TMEM177: variants seen among roughly 807,000 people sequenced by gnomAD.
TMEM177 encodes transmembrane protein 177.
A neutral mutation model predicts 14.2 loss-of-function variants in TMEM177; 4 were observed. That is an observed-to-expected ratio of 0.28 (90% CI 0.14 to 0.64). The LOEUF (loss-of-function observed/expected upper bound fraction) is 0.64. Ranked by LOEUF, TMEM177 falls within the 30% of genes least tolerant of loss-of-function variation. The probability of loss-of-function intolerance (pLI) is 0.82; values close to 1 mark genes in which losing one functional copy is unlikely to be tolerated. For synonymous variants in TMEM177, 179 were observed against 174.5 expected (o/e 1.03, Z -0.20); for missense variants, 344 against 405.2 (o/e 0.85, Z 1.30).
At position 119,680,930 on chromosome 2, in the gene TMEM177, G is replaced by A; in HGVS notation, c.77G>A (p.Gly26Asp). The stretch of plus-strand genomic sequence containing the variant: ...GGCCTCTTGGTGGGTTCCTGTGCAG[G>A]CCTGTTTGGAGTTCCAATCTCGTAC... ...RTGLLVGSCA[G>D]LFGVPISYHL... Residue 26 changes from glycine (G) to aspartate (D), a missense_variant, in exon 2 of 2, where the codon GGC becomes GAC. By Grantham distance (94) the Gly-to-Asp change is moderately conservative. Transcript: ENST00000272521. The A allele has an allele frequency of 5.0e-6, 8 of 1,614,182 alleles. No individual in the cohort carries two copies. The highest frequency in any genetic ancestry group is 6.8e-6 in the Non-Finnish European group (8 of 1,180,016).
At chr2:119,715,124 T>G in the TMEM177 span, among the ~76,000 whole-genome samples, 3 of 152,322 alleles carry the variant, frequency 2.0e-5, no homozygotes, top group African/African-American at 4.8e-5. Context: ...GGCTCACACC[T>G]GTAATCCCAA....
the TMEM177 span, among the ~76,000 whole-genome samples, chr2:119,715,906 G>A: frequency 6.6e-6 from 1 of 152,178 alleles, no homozygotes; most frequent in Non-Finnish European, 1.5e-5. Flanking sequence ...AGGCAACCCC[G>A]CGTCAGAGGG....
chr2:119,680,331 A>G (rs1383688590), intron 1 of TMEM177, among the ~76,000 whole-genome samples: 1 of 152,192 alleles, frequency 6.6e-6, no homozygotes, highest in Non-Finnish European at 1.5e-5. Flanking sequence ...AAATAGGGTT[A>G]GCTGTAGTAA....
the TMEM177 span, among the ~76,000 whole-genome samples, chr2:119,707,000 G>A: frequency 1.1e-4 from 17 of 148,840 alleles, no homozygotes; most frequent in Admixed American, 2.0e-4. Flanking sequence ...CAACCTCTGC[G>A]TCCCAGGTTC....
chr2:119,683,114 T>G (rs1402388907), downstream of TMEM177, among the ~76,000 whole-genome samples: 1 of 152,174 alleles, frequency 6.6e-6, no homozygotes, highest in Non-Finnish European at 1.5e-5. Flanking sequence ...GCAGTAGACC[T>G]GGAGAGGAGA....
the TMEM177 span, among the ~76,000 whole-genome samples, chr2:119,708,323 AT>A: frequency 0.012 from 1,901 of 152,238 alleles, 36 homozygotes; most frequent in African/African-American, 0.042. Flanking sequence ...GGAAAAAAAA[AT>A]CTCAGGCATC....
the TMEM177 span, among the ~76,000 whole-genome samples, chr2:119,704,335 C>T: frequency 2.0e-5 from 3 of 152,190 alleles, no homozygotes; most frequent in African/African-American, 7.2e-5. Flanking sequence ...CATGTTGTCT[C>T]ACGCCTGTAA....
chr2:119,708,200 C>T, the TMEM177 span, among the ~76,000 whole-genome samples: 10 of 152,234 alleles, frequency 6.6e-5, no homozygotes, highest in East Asian at 1.7e-3. Context: ...TCTTTGTCTC[C>T]TGGTTAGATC....
the TMEM177 span, among the ~76,000 whole-genome samples, chr2:119,695,578 A>G: frequency 2.0e-5 from 3 of 152,142 alleles, no homozygotes; most frequent in Non-Finnish European, 4.4e-5. Context: ...GGTGGGGAGG[A>G]AGCGCCATGG....
chr2:119,685,125 C>T (rs78375402), downstream of TMEM177, among the ~76,000 whole-genome samples: 1 of 151,896 alleles, frequency 6.6e-6, no homozygotes, highest in Non-Finnish European at 1.5e-5. Context: ...CAAGGATGCC[C>T]GACATCCCAG....
At chr2:119,697,945 G>A in the TMEM177 span, among the ~76,000 whole-genome samples, 1 of 152,188 alleles carries the variant, frequency 6.6e-6, no homozygotes, top group African/African-American at 2.4e-5. Flanking sequence ...GGAGAGGGAG[G>A]TGGGGGAACA....
the TMEM177 span, among the ~76,000 whole-genome samples, chr2:119,710,827 G>A: frequency 1.1e-3 from 173 of 151,978 alleles, no homozygotes; most frequent in African/African-American, 4.0e-3. Context: ...AGCCAGGATG[G>A]TCTCGATCTC....
At chr2:119,697,925 T>C in the TMEM177 span, among the ~76,000 whole-genome samples, 7 of 152,188 alleles carry the variant, frequency 4.6e-5, no homozygotes, top group Admixed American at 3.3e-4. Flanking sequence ...AATAGCACCC[T>C]CTTCATAGGG....
downstream of TMEM177, among the ~76,000 whole-genome samples, chr2:119,683,871 C>T (rs1688962433): frequency 6.6e-6 from 1 of 152,210 alleles, no homozygotes; most frequent in Admixed American, 6.5e-5. Context: ...CTGAGAGCCC[C>T]CCTGGCAGGT....
the TMEM177 span, among the ~76,000 whole-genome samples, chr2:119,717,244 C>T: frequency 6.6e-6 from 1 of 151,508 alleles, no homozygotes; most frequent in African/African-American, 2.4e-5. Flanking sequence ...GTGGGAGGAT[C>T]GCTTGAACTC....
the TMEM177 span, among the ~76,000 whole-genome samples, chr2:119,711,707 G>A: frequency 6.6e-6 from 1 of 152,134 alleles, no homozygotes; most frequent in Non-Finnish European, 1.5e-5. Context: ...GCAAGACCTG[G>A]GACACCCAAG....
chr2:119,680,141 G>T (rs900384492), intron 1 of TMEM177, among the ~76,000 whole-genome samples: 1 of 152,098 alleles, frequency 6.6e-6, no homozygotes. Flanking sequence ...CATACTGATG[G>T]CCTCATTTTA....
At chr2:119,718,443 C>T in the TMEM177 span, among the ~76,000 whole-genome samples, 1 of 152,284 alleles carries the variant, frequency 6.6e-6, no homozygotes, top group South Asian at 2.1e-4. Flanking sequence ...TGGTTTCAGG[C>T]AATGGAGCAG....
chr2:119,700,743 C>T, the TMEM177 span, among the ~76,000 whole-genome samples: 1 of 152,186 alleles, frequency 6.6e-6, no homozygotes. Flanking sequence ...GGTCTCCTGG[C>T]TCCTAGGCAA....
Sources: gnomAD v4.1 joint callset for allele counts (sites outside exome capture counted in the v4.1 genomes callset) on GRCh38, gnomAD v4.1.1 for gene constraint, MANE v1.5 for transcripts, NCBI Gene and HGNC (gene_info 2026-07-23, HGNC 2026-07-21) for gene names.